The following ZNF653 variants were observed in gnomAD, a reference collection of about 807,000 sequenced individuals.
The protein encoded by ZNF653 is 67 kDa zinc finger protein.
In ZNF653, 37 loss-of-function variants were observed where a neutral mutation model predicts 59.9. That is an observed-to-expected ratio of 0.62 (90% CI 0.48 to 0.81). The LOEUF (loss-of-function observed/expected upper bound fraction) is 0.81, where lower values mean the gene tolerates loss of function less well. Among genes scored for constraint, ZNF653 ranks in the 40% least tolerant of loss-of-function variants. ZNF653 has a pLI of 0.00. For missense variants in ZNF653, 808 were observed against 881.1 expected (o/e 0.92, Z 1.05); for synonymous variants, 435 against 371.8 (o/e 1.17, Z -1.96).
chr19:11,484,095 C>T lies in ZNF653; in HGVS notation c.1617G>A (p.Arg539=). 1 of 1,559,252 alleles carries T rather than the reference C, an allele frequency of 6.4e-7. No individual in the cohort carries two copies. Among genetic ancestry groups the T allele is most frequent in the Non-Finnish European group, 8.7e-7 (1 of 1,151,430 alleles). The part of the protein sequence containing the change: ...TCETCGKSFK[R]KNHLEVHRRT... ...GCCGATGTACCTCCAGGTGGTTCTT[C>T]CTCTTGAAGGACTTGCCGCAGGTCT... Residue 539 remains arginine, a synonymous_variant, in exon 8 of 9, where the codon AGG becomes AGA. Coordinates refer to ENST00000293771, the MANE Select transcript of ZNF653 (RefSeq NM_138783.4).
In ZNF653 at chr19:11,483,878, G is replaced by GGGACGGGGCGGGGTCAGAGT; in HGVS notation, c.1671-39_1671-20dup. ...CTCGCACCTGCCGGGAGCCCGTGGC[G>GGGACGGGGCGGGGTCAGAGT]GGACGGGGCGGGGTCAGAGTGGGCG... On this transcript the variant is annotated intron_variant, in intron 8 of 8. Coordinates refer to ENST00000293771, the MANE Select transcript of ZNF653 (RefSeq NM_138783.4). 6.4e-7 allele frequency: 1 copy of GGGACGGGGCGGGGTCAGAGT among 1,552,472 alleles called. No individual in the cohort carries two copies. Among genetic ancestry groups the GGGACGGGGCGGGGTCAGAGT allele is most frequent in the Non-Finnish European group, 8.7e-7 (1 of 1,151,296 alleles).
intron 8 of ZNF653, 45 bp from the exon 9 acceptor site, chr19:11,483,904 G>T: frequency 6.6e-7 from 1 of 1,515,504 alleles, no homozygotes; most frequent in Non-Finnish European, 8.9e-7. Flanking sequence ...AGAGTGGGCG[G>T]GGCGGGGCGG....
rs890293227 is a variant in ZNF653 at position 11,483,778 on chromosome 19, G to A, written c.1752C>T (p.Tyr584=). ...TCCCGCAGCGATCGCACGTGAAGTTGTACTGCACCTCCGCAGTGTGCTTCT... is the reference window on the plus strand; with the variant it reads ...TCCCGCAGCGATCGCACGTGAAGTTATACTGCACCTCCGCAGTGTGCTTCT... ...HMKKHTAEVQ[Y]NFTCDRCGKR... is the part of the protein sequence containing the mutation. Residue 584 remains tyrosine, a synonymous_variant, in exon 9 of 9, where the codon TAC becomes TAT. Coordinates refer to ENST00000293771, the MANE Select transcript of ZNF653 (RefSeq NM_138783.4). 1.9e-5 allele frequency: 31 copies of A among 1,613,412 alleles called. No individual in the cohort carries two copies. In the African/African-American group the frequency reaches 3.9e-4, roughly 20 times the overall value.
At chr19:11,502,595 C>G (rs1264909821) in intron 1 of ZNF653, among the ~76,000 whole-genome samples, 1 of 152,144 alleles carries the variant, frequency 6.6e-6, no homozygotes, top group Non-Finnish European at 1.5e-5. Context: ...ACTCTGGAGG[C>G]TGAGGTGGGA....
At chr19:11,494,386 T>TAAAAC (rs778902382) in intron 3 of ZNF653, among the ~76,000 whole-genome samples, 1 of 101,456 alleles carries the variant, frequency 9.9e-6, no homozygotes, top group Non-Finnish European at 2.0e-5. Context: ...ACATAAAACA[T>TAAAAC]AACATAACAT....
intron 1 of ZNF653, chr19:11,504,935 C>G (rs1971692604): frequency 6.6e-6 from 1 of 152,554 alleles, no homozygotes; most frequent in African/African-American, 2.4e-5. Flanking sequence ...TCTCCCTGGG[C>G]TGAGTTGCTT....
chr19:11,497,036 G>T (rs1971595895), intron 2 of ZNF653, among the ~76,000 whole-genome samples: 1 of 152,198 alleles, frequency 6.6e-6, no homozygotes, highest in South Asian at 2.1e-4. Context: ...CACAGGCTGT[G>T]CCTGCTTCCT....
intron 3 of ZNF653, among the ~76,000 whole-genome samples, chr19:11,492,838 C>A (rs575697863): frequency 6.6e-6 from 1 of 152,112 alleles, no homozygotes; most frequent in Non-Finnish European, 1.5e-5. Context: ...CTCTGCCTCC[C>A]GGGTTCAAGT....
chr19:11,487,692 C>G lies in ZNF653; in HGVS notation c.771G>C (p.Gln257His). The change falls in exon 4 of 9, where the codon CAG becomes CAC. Residue 257 changes from glutamine to histidine, a missense_variant. By Grantham distance (24) the Gln-to-His change is conservative. Transcript: ENST00000293771. This position sits in a 1 kb window ranked among gnomAD's most constrained non-coding sequence, Gnocchi z 5.1. ...CTGGGTTGGAGCACAGCGGGGTACC[C>G]TGCTCGGCCAGGCTTTCCACGTGGT... Reference protein sequence around the residue: ...DVHHVESLAEQGTPLCSNPAG... With the variant: ...DVHHVESLAEHGTPLCSNPAG... 2 of 1,613,830 alleles carry G rather than the reference C, an allele frequency of 1.2e-6. No individual in the cohort carries two copies. Among genetic ancestry groups the G allele is most frequent in the Non-Finnish European group, 1.7e-6 (2 of 1,179,960 alleles).
chr19:11,484,189 C>T, intron 7 of ZNF653, 48 bp from the exon 8 acceptor site: 1 of 1,382,030 alleles, frequency 7.2e-7, no homozygotes, highest in South Asian at 1.2e-5. Context: ...TATGGGGTGT[C>T]TCTGATGTGC....
chr19:11,490,285 G>A (rs1971516919), intron 3 of ZNF653, among the ~76,000 whole-genome samples: 1 of 152,192 alleles, frequency 6.6e-6, no homozygotes. Context: ...GTATGGTATG[G>A]GCTTCCATGC....
In ZNF653 at chr19:11,484,222, A is replaced by G. The variant is rs1231334028; in HGVS notation, c.1571-81T>C. 5 of 1,128,612 alleles carry G rather than the reference A, an allele frequency of 4.4e-6. No homozygotes were observed. In the African/African-American group the frequency reaches 4.6e-5, roughly 10 times the overall value. The allele number at this position is 1,128,612 out of a possible 1,614,324, so 69.9% of individuals were successfully genotyped here. On this transcript the variant is annotated intron_variant, in intron 7 of 8. Transcript: ENST00000293771. ...TGCTGCAGACTCTGATGCTAGAAGG[A>G]GCATCAGGCTGTCTCCTTGGATCTC...
rs1466089865 is a variant in ZNF653, at chr19:11,487,861, G to C, written c.602C>G (p.Ser201Cys). ...CTCCTCAGAGTCAGAGGCAGAGCCA[G>C]AGCTGGATGAGTCAGAGCTGCCAGC... is the stretch of plus-strand genomic sequence containing the variant. ...LVAGSSDSSS[S>C]GSASDSEESP... The change falls in exon 4 of 9, where the codon TCT becomes TGT. Residue 201 changes from serine (S) to cysteine (C), a missense_variant. Ser to Cys is a moderately radical substitution (Grantham distance 112). Transcript: ENST00000293771. The surrounding 1 kb of genome is among the most constrained non-coding windows in gnomAD (Gnocchi z 5.1). The C allele has an allele frequency of 2.5e-6, 4 of 1,607,012 alleles. No homozygotes were observed. Among genetic ancestry groups the C allele is most frequent in the African/African-American group, 1.3e-5 (1 of 74,738 alleles).
intron 7 of ZNF653, among the ~76,000 whole-genome samples, chr19:11,485,113 T>C (rs311806): frequency 0.21 from 31,632 of 151,364 alleles, 6,681 homozygotes; most frequent in African/African-American, 0.55. Context: ...TGACCTCCTG[T>C]GATATCAGAA....
chr19:11,491,566 C>T (rs1189551384), intron 3 of ZNF653, among the ~76,000 whole-genome samples: 2 of 152,096 alleles, frequency 1.3e-5, no homozygotes, highest in African/African-American at 2.4e-5. Flanking sequence ...AAGGCCTTTG[C>T]ACCTGCCATT....
chr19:11,486,977 C>G lies in ZNF653; in HGVS notation c.1343+10G>C. On this transcript the variant is annotated intron_variant, in intron 5 of 8. Coordinates refer to ENST00000293771, the MANE Select transcript of ZNF653 (RefSeq NM_138783.4). Reference sequence around the variant, plus strand: ...CCCTCGCCCTCACCCTTGCCCGCCCCGGCACCCACTTCTCAGGCTCCTTGG... The same window carrying G: ...CCCTCGCCCTCACCCTTGCCCGCCCGGGCACCCACTTCTCAGGCTCCTTGG... 1.2e-6 allele frequency: 2 copies of G among 1,613,088 alleles called. No individual in the cohort carries two copies. The highest frequency in any genetic ancestry group is 1.7e-6 in the Non-Finnish European group (2 of 1,179,430).
chr19:11,488,245 G>A (rs545395854), intron 3 of ZNF653, among the ~76,000 whole-genome samples: 3 of 151,966 alleles, frequency 2.0e-5, no homozygotes, highest in Admixed American at 2.0e-4. Flanking sequence ...TGCCTCCCAG[G>A]TTCATGCCAT....
Position 11,505,680 on chromosome 19 carries a change from C to T in ZNF653, c.107G>A (p.Arg36Gln). ...EGAAGRKARGRPRLTESDRAR... is the reference protein window; with the variant it reads ...EGAAGRKARGQPRLTESDRAR... The stretch of plus-strand genomic sequence containing the variant: ...CCGGTCCGACTCCGTGAGTCGCGGC[C>T]GGCCCCGCGCCTTTCGGCCCGCTGC... Residue 36 changes from arginine to glutamine, a missense_variant, in exon 1 of 9, where the codon CGG (arginine) becomes CAG (glutamine). Arg to Gln is a conservative substitution (Grantham distance 43). Coordinates refer to ENST00000293771, the MANE Select transcript of ZNF653 (RefSeq NM_138783.4). 1 of 1,488,682 alleles carries T rather than the reference C, an allele frequency of 6.7e-7. No individual in the cohort carries two copies. Among genetic ancestry groups the T allele is most frequent in the Non-Finnish European group, 8.9e-7 (1 of 1,127,540 alleles). The allele number at this position is 1,488,682 out of a possible 1,614,324, so 92.2% of individuals were successfully genotyped here. A position where few individuals can be genotyped will look rare whatever the true frequency, so the allele number is the denominator to read the frequency against.
intron 1 of ZNF653, chr19:11,505,037 G>A (rs1369833630): frequency 2.5e-5 from 4 of 162,254 alleles, no homozygotes; most frequent in Non-Finnish European, 5.4e-5. Context: ...GCCATACGGA[G>A]TCCCAGATGG....
Sources: allele counts gnomAD v4.1 joint callset (sites outside exome capture counted in the v4.1 genomes callset), GRCh38; gene constraint gnomAD v4.1.1; non-coding constraint Gnocchi (gnomAD v3.1); transcripts MANE v1.5; gene names NCBI Gene and HGNC (gene_info 2026-07-23, HGNC 2026-07-21).